GRM5: variants seen among roughly 807,000 people sequenced by gnomAD.
GRM5 encodes the protein glutamate metabotropic receptor 5, also known as metabotropic glutamate receptor 5.
A neutral mutation model predicts 83.1 loss-of-function variants in GRM5; 19 were observed. The ratio of observed to expected loss-of-function variants is 0.23; its 90% CI spans 0.16 to 0.34. The LOEUF is 0.34. Ranked by LOEUF, GRM5 falls within the 10% of genes least tolerant of loss-of-function variation. The pLI is 1.00. For missense variants in GRM5, 1,160 were observed against 1,588.3 expected, an observed-to-expected ratio of 0.73 and a Z score of 4.58; for synonymous variants, 675 against 633.6, an observed-to-expected ratio of 1.07 and a Z score of -0.98.
chr11:88,780,670 T>C (rs1031795809), intron 3 of GRM5, among the ~76,000 whole-genome samples: 2 of 152,250 alleles, frequency 1.3e-5, no homozygotes, highest in East Asian at 3.9e-4. Context: ...GGGGTATCTG[T>C]ATATTTATTT....
chr11:88,524,214 C>CTTTTTTTT (rs71470770), intron 9 of GRM5, among the ~76,000 whole-genome samples: 26 of 101,406 alleles, frequency 2.6e-4, no homozygotes, highest in African/African-American at 3.6e-4. Context: ...TTCTTTCTTT[C>CTTTTTTTT]TTTTTTTTTT....
At chr11:88,962,291 T>C (rs1458181167) in intron 2 of GRM5, among the ~76,000 whole-genome samples, 5 of 152,110 alleles carry the variant, frequency 3.3e-5, no homozygotes, top group Admixed American at 3.3e-4. Flanking sequence ...AAATATCCAC[T>C]CTTCCATCCA....
At chr11:88,762,350 C>G (rs972934784) in intron 3 of GRM5, among the ~76,000 whole-genome samples, 3 of 151,992 alleles carry the variant, frequency 2.0e-5, no homozygotes. Flanking sequence ...AAAAAGCAAA[C>G]AACCCCATTA....
At chr11:88,558,296 G>A (rs1765444807) in intron 8 of GRM5, among the ~76,000 whole-genome samples, 1 of 152,140 alleles carries the variant, frequency 6.6e-6, no homozygotes, top group African/African-American at 2.4e-5. Context: ...GGCCAGGTGA[G>A]TTTGTAAATA....
intron 2 of GRM5, among the ~76,000 whole-genome samples, chr11:89,022,038 T>A (rs1940997753): frequency 6.6e-6 from 1 of 152,100 alleles, no homozygotes; most frequent in Admixed American, 6.5e-5. Flanking sequence ...TTGTGATAGA[T>A]CATATCCTGG....
intron 4 of GRM5, among the ~76,000 whole-genome samples, chr11:88,636,240 G>A (rs1034851213): frequency 1.7e-4 from 26 of 152,200 alleles, no homozygotes; most frequent in Non-Finnish European, 3.5e-4. Context: ...TGCCAGGCAC[G>A]GTGGCTCACG....
intron 3 of GRM5, among the ~76,000 whole-genome samples, chr11:88,791,665 T>C (rs193123747): frequency 1.3e-5 from 2 of 152,282 alleles, no homozygotes; most frequent in African/African-American, 2.4e-5. Flanking sequence ...TTACAATATA[T>C]ACTGAAGTAT....
intron 3 of GRM5, among the ~76,000 whole-genome samples, chr11:88,841,506 G>A (rs1248486021): frequency 6.6e-6 from 1 of 152,118 alleles, no homozygotes; most frequent in Non-Finnish European, 1.5e-5. Flanking sequence ...CATAAAAGCT[G>A]CATTTTCAAA....
At chr11:88,798,813 A>AC (rs1036896409) in intron 3 of GRM5, among the ~76,000 whole-genome samples, 11 of 140,044 alleles carry the variant, frequency 7.9e-5, no homozygotes, top group Admixed American at 3.0e-4. Flanking sequence ...ACCAAAAAAA[A>AC]AAAAAAAAAA....
At chr11:88,585,343 G>A (rs1943291073) in intron 7 of GRM5, among the ~76,000 whole-genome samples, 1 of 152,180 alleles carries the variant, frequency 6.6e-6, no homozygotes, top group South Asian at 2.1e-4. Context: ...AAGATGGATA[G>A]AGGGAAAATA....
chr11:88,913,065 C>G (rs1186237450), intron 2 of GRM5, among the ~76,000 whole-genome samples: 1 of 152,120 alleles, frequency 6.6e-6, no homozygotes, highest in African/African-American at 2.4e-5. Flanking sequence ...AATTATGTAG[C>G]CAGTTATGCA....
At chr11:88,808,755 A>G (rs538615343) in intron 3 of GRM5, among the ~76,000 whole-genome samples, 18 of 151,978 alleles carry the variant, frequency 1.2e-4, no homozygotes, top group Non-Finnish European at 2.5e-4. Context: ...GTCTTCCTAG[A>G]TGAACTCCTG....
intron 3 of GRM5, among the ~76,000 whole-genome samples, chr11:88,722,325 C>A (rs966614892): frequency 2.6e-5 from 4 of 152,122 alleles, no homozygotes; most frequent in Non-Finnish European, 4.4e-5. Flanking sequence ...CTGCCTCCAA[C>A]CATTTGTAGC....
intron 8 of GRM5, among the ~76,000 whole-genome samples, chr11:88,554,181 T>G (rs1942572843): frequency 6.6e-6 from 1 of 152,142 alleles, no homozygotes; most frequent in African/African-American, 2.4e-5. Flanking sequence ...TCCTTGTATT[T>G]TTCGGCTTCT....
intron 3 of GRM5, among the ~76,000 whole-genome samples, chr11:88,815,656 T>A (rs1943662446): frequency 6.6e-6 from 1 of 152,046 alleles, no homozygotes; most frequent in Admixed American, 6.5e-5. Context: ...GATCACAAGG[T>A]GATAGAGGAA....
intron 2 of GRM5, among the ~76,000 whole-genome samples, chr11:88,978,474 T>TAAAAAAAAAAAAAAAAAAAAAAAAAAAA (rs200343438): frequency 1.0e-5 from 1 of 97,988 alleles, no homozygotes; most frequent in Non-Finnish European, 2.1e-5. Flanking sequence ...CAGATGAGCT[T>TAAAAAAAAAAAAAAAAAAAAAAAAAAAA]AAAAAAAAAA....
intron 2 of GRM5, among the ~76,000 whole-genome samples, chr11:89,036,278 C>T (rs1941383044): frequency 6.6e-6 from 1 of 152,014 alleles, no homozygotes; most frequent in African/African-American, 2.4e-5. Flanking sequence ...AAGCAATAAG[C>T]ACCCTACCTT....
chr11:88,805,148 C>G (rs1281566672), intron 3 of GRM5, among the ~76,000 whole-genome samples: 1 of 152,124 alleles, frequency 6.6e-6, no homozygotes, highest in Non-Finnish European at 1.5e-5. Context: ...CATGCATCAA[C>G]TCATGAGTGC....
At chr11:88,929,946 G>A (rs908658257) in intron 2 of GRM5, among the ~76,000 whole-genome samples, 21 of 152,052 alleles carry the variant, frequency 1.4e-4, no homozygotes, top group Non-Finnish European at 8.8e-5. Flanking sequence ...AAGATTATTG[G>A]ATCAGACTGG....
Sources: allele counts gnomAD v4.1 joint callset (sites outside exome capture counted in the v4.1 genomes callset), GRCh38; gene constraint gnomAD v4.1.1; transcripts MANE v1.5; gene names NCBI Gene and HGNC (gene_info 2026-07-23, HGNC 2026-07-21).